ZDHHC11: variants seen among roughly 807,000 people sequenced by gnomAD.
The protein encoded by ZDHHC11 is zDHHC palmitoyltransferase 11.
ZDHHC11 carries 44 observed loss-of-function variants against 51.3 expected under a neutral mutation model. The observed-to-expected ratio is 0.86, with a 90% CI of 0.67 to 1.10. The LOEUF is 1.10. ZDHHC11 is among the 50% of genes least tolerant of loss of function. The probability of loss-of-function intolerance (pLI) is 0.00; values close to 1 mark genes in which losing one functional copy is unlikely to be tolerated. For synonymous variants in ZDHHC11, 163 were observed against 222.0 expected (o/e 0.73, Z 2.36); for missense variants, 400 against 537.7 (o/e 0.74, Z 2.53).
intron 4 of ZDHHC11, chr5:840,880 A>T: frequency 2.1e-6 from 3 of 1,436,854 alleles, no homozygotes; most frequent in Non-Finnish European, 2.7e-6. Context: ...GTGAGGCTCC[A>T]ACATTGTCAC....
At chr5:838,538 C>T (rs1744257264) in intron 5 of ZDHHC11, among the ~76,000 whole-genome samples, 1 of 152,068 alleles carries the variant, frequency 6.6e-6, no homozygotes, top group Non-Finnish European at 1.5e-5. Context: ...CCTCTCCAGT[C>T]CTGTGAGGTA....
At chr5:796,762 A>G (rs1737633226) in intron 12 of ZDHHC11, among the ~76,000 whole-genome samples, 182 bp from the exon 13 acceptor site, 1 of 152,138 alleles carries the variant, frequency 6.6e-6, no homozygotes, top group South Asian at 2.1e-4. Flanking sequence ...GGGTCTAGTG[A>G]GAGTCCTCCC....
At chr5:815,772 G>T (rs1204850927) in intron 10 of ZDHHC11, among the ~76,000 whole-genome samples, 4 of 151,440 alleles carry the variant, frequency 2.6e-5, no homozygotes, top group Non-Finnish European at 5.9e-5. Context: ...ACTTGGTATT[G>T]TTCATCTTTT....
chr5:803,198 A>T (rs1002382343), intron 11 of ZDHHC11, among the ~76,000 whole-genome samples: 6 of 151,176 alleles, frequency 4.0e-5, no homozygotes, highest in African/African-American at 1.5e-4. Flanking sequence ...AATAAATTTG[A>T]GGTGGTACAT....
intron 1 of ZDHHC11, among the ~76,000 whole-genome samples, chr5:857,265 G>C (rs1044360653): frequency 1.3e-5 from 2 of 152,202 alleles, no homozygotes; most frequent in Admixed American, 1.3e-4. Flanking sequence ...AATCCTGTGT[G>C]GTGGACCCCA....
Position 838,847 on chromosome 5 carries a change from A to C in ZDHHC11, c.785-1367T>G, listed in dbSNP as rs565014033. Among the ~76,000 whole-genome samples the C allele has an allele frequency of 8.7e-3, 1,289 of 147,728 alleles. 79 individuals are homozygous for C. The highest frequency in any genetic ancestry group is 0.031 in the African/African-American group (1,216 of 38,912). ...TCTCTGCAGCACAAGGGCCTGCAGC[A>C]CCCCACGTGCTCAGCACACAGTGGG... is the stretch of plus-strand genomic sequence containing the variant. On this transcript the variant is annotated intron_variant, in intron 5 of 12. Coordinates refer to ENST00000283441, the MANE Select transcript of ZDHHC11 (RefSeq NM_024786.3).
chr5:809,188 T>A (rs1383059790), intron 11 of ZDHHC11, among the ~76,000 whole-genome samples: 1 of 142,834 alleles, frequency 7.0e-6, no homozygotes, highest in East Asian at 2.0e-4. Context: ...CCCCATCACA[T>A]AACTGTCTGC....
intron 7 of ZDHHC11, among the ~76,000 whole-genome samples, chr5:833,330 G>A (rs1391684860): frequency 6.6e-6 from 1 of 150,404 alleles, no homozygotes; most frequent in African/African-American, 2.4e-5. Flanking sequence ...CCTGTTGGGT[G>A]GGGCTCCGGG....
In ZDHHC11 at chr5:796,022, G is replaced by T. The variant is rs1325088065; in HGVS notation, c.*566C>A. The T allele has an allele frequency of 7.2e-6, 1 of 139,142 alleles. No homozygotes were observed. The highest frequency in any genetic ancestry group is 1.6e-5 in the Non-Finnish European group (1 of 61,096). 8.6% of individuals were successfully genotyped at this position (139,142 alleles called of 1,614,324 possible). ...GTGTACTCCCATTTCTCAGTACTGT[G>T]CTCCCACTTCTCAGTACTGTGCTCC... On this transcript the variant is annotated 3_prime_UTR_variant, in exon 13 of 13. Coordinates refer to ENST00000283441, the MANE Select transcript of ZDHHC11 (RefSeq NM_024786.3).
chr5:823,362 C>A (rs1741816352), intron 8 of ZDHHC11: 1 of 151,140 alleles, frequency 6.6e-6, no homozygotes, highest in Non-Finnish European at 1.5e-5. Flanking sequence ...TCATTACAAA[C>A]CCTTCCATGT....
chr5:816,034 A>C lies in ZDHHC11; in HGVS notation c.1147-1239T>G, dbSNP rs541139547. ...CAGCTTTTCATGTGCTTTGTCGTTC[A>C]TATTATTGCCTTGTGGAAGTTTTGT... On this transcript the variant is annotated intron_variant, in intron 10 of 12. Coordinates refer to ENST00000283441, the MANE Select transcript of ZDHHC11 (RefSeq NM_024786.3). 4.4e-4 allele frequency among the ~76,000 whole-genome samples: 67 copies of C among 151,640 alleles called. 1 individual carries two copies. Among genetic ancestry groups the C allele is most frequent in the African/African-American group, 1.5e-3 (64 of 41,426 alleles).
chr5:831,086 G>C (rs1344151875), intron 7 of ZDHHC11, among the ~76,000 whole-genome samples: 1 of 149,272 alleles, frequency 6.7e-6, no homozygotes, highest in African/African-American at 2.5e-5. Context: ...GAATCCAAAA[G>C]CAAATGCAAC....
intron 6 of ZDHHC11, among the ~76,000 whole-genome samples, chr5:836,065 A>G (rs1333223383): frequency 2.2e-5 from 3 of 137,626 alleles, no homozygotes; most frequent in Admixed American, 1.4e-4. Flanking sequence ...TGGGCTGGCC[A>G]GAATGTGACT....
At chr5:843,863 CATGCGGGGCAT>C (rs1460942033) in intron 3 of ZDHHC11, 139 bp from the exon 4 acceptor site, 1 of 445,428 alleles carries the variant, frequency 2.2e-6, no homozygotes, top group African/African-American at 8.1e-5. Context: ...GCGGCAGGGG[CATGCGGGGCAT>C]GTGGGACAGG....
intron 9 of ZDHHC11, chr5:821,179 G>T (rs9968609): frequency 0.053 from 8,085 of 151,358 alleles, 783 homozygotes; most frequent in African/African-American, 0.18. Flanking sequence ...TGCTCCCCCC[G>T]GGGCAGGAGA....
rs1285715199 is a variant in ZDHHC11, at chr5:823,509, G to C, written c.1024-1614C>G. 7.9e-5 allele frequency: 12 copies of C among 152,690 alleles called. 1 individual carries two copies. Among genetic ancestry groups the C allele is most frequent in the African/African-American group, 2.9e-4 (12 of 41,490 alleles). The allele number at this position is 152,690 out of a possible 1,614,324, so 9.5% of individuals were successfully genotyped here. Reference sequence around the variant, plus strand: ...TCTTTGGACAACACTGTCTGCAGCTGTGGGCCCACTCCAAGGGGAGGCGAT... The same window carrying C: ...TCTTTGGACAACACTGTCTGCAGCTCTGGGCCCACTCCAAGGGGAGGCGAT... On this transcript the variant is annotated intron_variant, in intron 8 of 12. Transcript: ENST00000283441.
intron 10 of ZDHHC11, among the ~76,000 whole-genome samples, chr5:817,379 TGTGTTTCCTTGA>T (rs1288570451): frequency 6.6e-6 from 1 of 151,552 alleles, no homozygotes; most frequent in Non-Finnish European, 1.5e-5. Context: ...TATTTCCATA[TGTGTTTCCTTGA>T]AGAATTCAGG....
At chr5:798,553 C>T (rs1448439884) in intron 12 of ZDHHC11, among the ~76,000 whole-genome samples, 3 of 150,280 alleles carry the variant, frequency 2.0e-5, no homozygotes, top group East Asian at 2.0e-4. Flanking sequence ...TGCCATCGGT[C>T]TGTATTCCAC....
At chr5:827,735 T>C (rs541200629) in intron 7 of ZDHHC11, among the ~76,000 whole-genome samples, 1 of 150,808 alleles carries the variant, frequency 6.6e-6, no homozygotes, top group East Asian at 1.9e-4. Context: ...TTTATTTTTT[T>C]TTATTCTTTA....
Sources: allele counts gnomAD v4.1 joint callset (sites outside exome capture counted in the v4.1 genomes callset), GRCh38; gene constraint gnomAD v4.1.1; transcripts MANE v1.5; gene names NCBI Gene and HGNC (gene_info 2026-07-23, HGNC 2026-07-21).